Variants in DNAH9 observed in about 807,000 individuals in gnomAD.
DNAH9 encodes the protein DNAH9 variant protein.
Under a neutral mutation model 471.6 loss-of-function variants are expected in DNAH9, and 345 were observed. The ratio of observed to expected loss-of-function variants is 0.73; its 90% confidence interval spans 0.67 to 0.80. The LOEUF is 0.80. Among genes scored for constraint, DNAH9 ranks in the 30% least tolerant of loss-of-function variants. The pLI is 0.00. For synonymous variants in DNAH9, 2,093 were observed against 2,123.6 expected (o/e 0.99, Z 0.40); for missense variants, 5,407 against 5,609.2 (o/e 0.96, Z 1.15).
intron 38 of DNAH9, among the ~76,000 whole-genome samples, chr17:11,777,153 G>A (rs1968468216): frequency 6.6e-6 from 1 of 152,146 alleles, no homozygotes; most frequent in Non-Finnish European, 1.5e-5. Flanking sequence ...AAGAAGAGAT[G>A]GCTCTGTACC....
chr17:11,790,750 A>G (rs990004249), intron 41 of DNAH9, among the ~76,000 whole-genome samples: 1 of 151,924 alleles, frequency 6.6e-6, no homozygotes, highest in Non-Finnish European at 1.5e-5. Context: ...CACTTCTTGT[A>G]TTCTATCAAA....
chr17:11,749,112 A>G (rs1347574959), intron 32 of DNAH9, among the ~76,000 whole-genome samples: 2 of 105,786 alleles, frequency 1.9e-5, no homozygotes, highest in Non-Finnish European at 3.5e-5. Flanking sequence ...TGAGACAGAG[A>G]CTCACTCTGT....
At chr17:11,723,819 C>T (rs988851087) in intron 27 of DNAH9, among the ~76,000 whole-genome samples, 6 of 152,150 alleles carry the variant, frequency 3.9e-5, no homozygotes, top group Admixed American at 6.5e-5. Context: ...AGGCGCCCGC[C>T]ACCACGCCTG....
At chr17:11,761,666 C>T (rs190590342) in intron 35 of DNAH9, among the ~76,000 whole-genome samples, 33 of 152,216 alleles carry the variant, frequency 2.2e-4, no homozygotes, top group Non-Finnish European at 1.3e-4. Context: ...CAAGTTACCT[C>T]CCCACTCTCC....
Position 11,932,241 on chromosome 17 carries a change from G to A in DNAH9, c.12297+36G>A, listed in dbSNP as rs766855647. ...TGGACATTCAGGGACCAGCCAGGTTGGGAGAGGGTTAAAATTATTTAATTT... is the reference window on the plus strand; with the variant it reads ...TGGACATTCAGGGACCAGCCAGGTTAGGAGAGGGTTAAAATTATTTAATTT... On this transcript the variant is annotated intron_variant, in intron 64 of 68. Coordinates refer to ENST00000262442, the MANE Select transcript of DNAH9 (RefSeq NM_001372.4). The surrounding 1 kb of genome is among the most constrained non-coding windows in gnomAD (Gnocchi z 4.3). 2 of 1,598,708 alleles carry A rather than the reference G, an allele frequency of 1.3e-6. No individual in the cohort carries two copies. The highest frequency in any genetic ancestry group is 1.7e-6 in the Non-Finnish European group (2 of 1,170,540).
chr17:11,768,975 C>T, intron 37 of DNAH9, 147 bp from the exon 38 acceptor site: 1 of 829,718 alleles, frequency 1.2e-6, no homozygotes, highest in Admixed American at 2.1e-5. Context: ...CCACTGTGAA[C>T]ATCAGGGAAG....
chr17:11,598,718 G>C lies in DNAH9; in HGVS notation c.220G>C (p.Val74Leu). Reference sequence around the variant, plus strand: ...CGAGGGGCCGCGGCCGCTGCTGGTGGTGCGGCCCGGGCCCAGGGGCCTGGC... The same window carrying C: ...CGAGGGGCCGCGGCCGCTGCTGGTGCTGCGGCCCGGGCCCAGGGGCCTGGC... ...AAEGPRPLLV[V>L]RPGPRGLAIR... Residue 74 changes from valine (V) to leucine (L), a missense_variant, in exon 1 of 69, where the codon GTG (valine) becomes CTG (leucine). Val to Leu is a conservative substitution (Grantham distance 32). Around this residue, in one of 3 missense-constraint regions of DNAH9, gnomAD observed 767 missense variants for 692.5 expected, o/e 1.11. Coordinates refer to ENST00000262442, the MANE Select transcript of DNAH9 (RefSeq NM_001372.4). The C allele has an allele frequency of 2.9e-6, 4 of 1,382,620 alleles. No individual in the cohort carries two copies. The highest frequency in any genetic ancestry group is 3.7e-6 in the Non-Finnish European group (4 of 1,075,460). 85.6% of individuals were successfully genotyped at this position (1,382,620 alleles called of 1,614,324 possible). A position where few individuals can be genotyped will look rare whatever the true frequency, so the allele number is the denominator to read the frequency against.
intron 15 of DNAH9, among the ~76,000 whole-genome samples, chr17:11,666,896 T>G (rs375305126): frequency 3.3e-5 from 5 of 152,312 alleles, no homozygotes; most frequent in Non-Finnish European, 7.4e-5. Context: ...TATGACATTG[T>G]TGAGGGCATT....
chr17:11,796,907 A>G (rs1969263304), intron 42 of DNAH9, among the ~76,000 whole-genome samples: 1 of 152,162 alleles, frequency 6.6e-6, no homozygotes, highest in Admixed American at 6.5e-5. Flanking sequence ...TTATCCTTCA[A>G]ATGAATTGAG....
chr17:11,598,677 T>C lies in DNAH9; in HGVS notation c.179T>C (p.Leu60Pro), dbSNP rs2150618857. The change falls in exon 1 of 69, where the codon CTG becomes CCG. Residue 60 changes from leucine (L) to proline (P), a missense_variant. Physicochemically the swap from Leu to Pro is moderately conservative, Grantham distance 98. This residue lies in a region of DNAH9 where 767 missense variants were observed against 692.5 expected (regional missense o/e 1.11). Coordinates refer to ENST00000262442, the MANE Select transcript of DNAH9 (RefSeq NM_001372.4). ...AEAEQLLQAF[L>P]GRDAAEGPRP... is the part of the protein sequence containing the mutation. ...GCGGAGCAGCTGCTCCAGGCCTTCC[T>C]GGGCCGCGATGCTGCCGAGGGGCCG... is the stretch of plus-strand genomic sequence containing the variant. 1 of 1,365,206 alleles carries C rather than the reference T, an allele frequency of 7.3e-7. No homozygotes were observed. Among genetic ancestry groups the C allele is most frequent in the East Asian group, 3.1e-5 (1 of 32,270 alleles). 84.6% of individuals were successfully genotyped at this position (1,365,206 alleles called of 1,614,324 possible). A position where few individuals can be genotyped will look rare whatever the true frequency, so the allele number is the denominator to read the frequency against.
chr17:11,822,197 G>A lies in DNAH9; in HGVS notation c.8850+135G>A, dbSNP rs984940534. On this transcript the variant is annotated intron_variant, in intron 46 of 68. Coordinates refer to ENST00000262442, the MANE Select transcript of DNAH9 (RefSeq NM_001372.4). Reference sequence around the variant, plus strand: ...GAGTGTGCGGCACCCTTCTCAGCCTGAGCACAGTTGCCAGGACACCCTTCT... The same window carrying A: ...GAGTGTGCGGCACCCTTCTCAGCCTAAGCACAGTTGCCAGGACACCCTTCT... 5 of 1,126,838 alleles carry A rather than the reference G, an allele frequency of 4.4e-6. No homozygotes were observed. In the Admixed American group the frequency reaches 1.1e-4, roughly 24 times the overall value. 69.8% of individuals were successfully genotyped at this position (1,126,838 alleles called of 1,614,324 possible). A position where few individuals can be genotyped will look rare whatever the true frequency, so the allele number is the denominator to read the frequency against.
In DNAH9 at chr17:11,689,705, T is replaced by C. The variant is rs569105062; in HGVS notation, c.3883T>C (p.Cys1295Arg). The C allele has an allele frequency of 6.2e-7, 1 of 1,614,126 alleles. No homozygotes were observed. Among genetic ancestry groups the C allele is most frequent in the South Asian group, 1.1e-5 (1 of 91,078 alleles). The change falls in exon 20 of 69, where the codon TGC becomes CGC. Residue 1295 changes from cysteine (C) to arginine (R), a missense_variant. Around this residue, in one of 3 missense-constraint regions of DNAH9, gnomAD observed 4,636 missense variants for 4,900.3 expected, o/e 0.95. Transcript: ENST00000262442. ...NVPDYKQLRQ[C>R]RKEVCQLKEL... is the part of the protein sequence containing the mutation. ...CCCTGACTATAAGCAGCTGAGGCAG[T>C]GCAGGAAGGAGGTCTGCCAGCTGAA...
chr17:11,704,328 C>G lies in DNAH9; in HGVS notation c.5277C>G (p.Thr1759=), dbSNP rs770163503. Residue 1759 remains threonine (T), a synonymous_variant, in exon 25 of 69, where the codon ACC becomes ACG. Coordinates refer to ENST00000262442, the MANE Select transcript of DNAH9 (RefSeq NM_001372.4). ...YYKKQVAQLK[T]LITMLIGQLS... The stretch of plus-strand genomic sequence containing the variant: ...AGAAGCAAGTGGCCCAGCTCAAAAC[C>G]CTTATCACCATGCTGATTGGCCAGC... 2 of 1,614,030 alleles carry G rather than the reference C, an allele frequency of 1.2e-6. No homozygotes were observed. The highest frequency in any genetic ancestry group is 2.7e-5 in the African/African-American group (2 of 74,924).
chr17:11,822,689 G>A (rs1970350674), intron 47 of DNAH9, 90 bp downstream of exon 47: 1 of 1,592,448 alleles, frequency 6.3e-7, no homozygotes, highest in Non-Finnish European at 8.6e-7. Flanking sequence ...TAAAGATCAA[G>A]CTTGAAGCAT....
rs564012713 is a variant in DNAH9, at chr17:11,687,396, G to A, written c.3744-2170G>A. ...TTAGGCTTAAGTGGTAAGCATTCGG[G>A]TAAATGACTTCAATTAGGATTACTT... On this transcript the variant is annotated intron_variant, in intron 19 of 68. Transcript: ENST00000262442. Among the ~76,000 whole-genome samples the A allele has an allele frequency of 4.7e-4, 71 of 152,248 alleles. No homozygotes were observed. The South Asian group carries it at 0.014, about 29-fold the overall frequency.
intron 43 of DNAH9, 67 bp from the exon 44 acceptor site, chr17:11,807,665 C>CT: frequency 2.0e-6 from 3 of 1,534,904 alleles, no homozygotes; most frequent in Non-Finnish European, 2.7e-6. Context: ...CCACTCAAGC[C>CT]TTTATACATG....
At chr17:11,955,119 G>A (rs758390937) in intron 67 of DNAH9, among the ~76,000 whole-genome samples, 2 of 152,134 alleles carry the variant, frequency 1.3e-5, no homozygotes, top group Non-Finnish European at 2.9e-5. Flanking sequence ...GACATGTATT[G>A]TAAATCCTAC....
Position 11,679,960 on chromosome 17 carries a change from C to T in DNAH9, c.3557C>T (p.Thr1186Ile). ...LKTYEQELPETVFKQLEELPE... is the reference protein window; with the variant it reads ...LKTYEQELPEIVFKQLEELPE... ...ACCTATGAACAAGAATTGCCAGAAA[C>T]AGTGTTTAAGCAGCTGGAGGTCAGT... is the stretch of plus-strand genomic sequence containing the variant. The change falls in exon 18 of 69, where the codon ACA becomes ATA. Residue 1186 changes from threonine to isoleucine, a missense_variant. This residue lies in a region of DNAH9 where 4,636 missense variants were observed against 4,900.3 expected (regional missense o/e 0.95). Transcript: ENST00000262442. The T allele has an allele frequency of 6.2e-7, 1 of 1,613,814 alleles. No individual in the cohort carries two copies. Among genetic ancestry groups the T allele is most frequent in the Non-Finnish European group, 8.5e-7 (1 of 1,179,790 alleles).
chr17:11,847,893 C>T (rs184683643), intron 49 of DNAH9, among the ~76,000 whole-genome samples: 21 of 151,874 alleles, frequency 1.4e-4, no homozygotes, highest in African/African-American at 2.4e-4. Flanking sequence ...AGTGAGATCC[C>T]GGTAGTCATT....
Sources: allele counts gnomAD v4.1 joint callset (sites outside exome capture counted in the v4.1 genomes callset), GRCh38; gene constraint gnomAD v4.1.1; regional missense constraint gnomAD v4.1.1; non-coding constraint Gnocchi (gnomAD v3.1); transcripts MANE v1.5; gene names NCBI Gene and HGNC (gene_info 2026-07-23, HGNC 2026-07-21).